The following CSK variants were observed in gnomAD, a reference collection of about 807,000 sequenced individuals.
CSK encodes tyrosine-protein kinase CSK.
Under a neutral mutation model 62.3 loss-of-function variants are expected in CSK, and 7 were observed. The ratio of observed to expected loss-of-function variants is 0.11; its 90% CI spans 0.06 to 0.21. CSK has a LOEUF of 0.21. CSK is among the 10% of genes least tolerant of loss of function. The pLI is 1.00. For missense variants in CSK, 294 were observed against 613.5 expected (o/e 0.48, Z 5.50); for synonymous variants, 237 against 246.0 (o/e 0.96, Z 0.34).
chr15:74,802,422 A>C lies in CSK; in HGVS notation c.1262A>C (p.Asn421Thr). 1 of 1,612,970 alleles carries C rather than the reference A, an allele frequency of 6.2e-7. No homozygotes were observed. The highest frequency in any genetic ancestry group is 2.2e-5 in the East Asian group (1 of 44,864). ...CPPAVYEVMKNCWHLDAAMRP... is the reference protein window; with the variant it reads ...CPPAVYEVMKTCWHLDAAMRP... ...CCCGCAGTCTATGAAGTCATGAAGA[A>C]CTGCTGGCACCTGGACGCCGCCATG... Residue 421 changes from asparagine to threonine, a missense_variant, in exon 13 of 13, where the codon AAC becomes ACC. Asn to Thr is a moderately conservative substitution (Grantham distance 65). Transcript: ENST00000220003.
chr15:74,791,419 T>G (rs1444919300), intron 1 of CSK, among the ~76,000 whole-genome samples: 1 of 152,236 alleles, frequency 6.6e-6, no homozygotes, highest in African/African-American at 2.4e-5. Flanking sequence ...GTGTATGTAT[T>G]TTTTGCTGAT....
chr15:74,790,486 G>A (rs2063602858), intron 1 of CSK, among the ~76,000 whole-genome samples: 1 of 152,210 alleles, frequency 6.6e-6, no homozygotes, highest in South Asian at 2.1e-4. Flanking sequence ...ACTGACCTCA[G>A]CGCTTGGGCA....
chr15:74,800,401 A>G lies in CSK; in HGVS notation c.463-11A>G, dbSNP rs1401255271. 2 of 1,612,846 alleles carry G rather than the reference A, an allele frequency of 1.2e-6. No individual in the cohort carries two copies. The highest frequency in any genetic ancestry group is 1.7e-6 in the Non-Finnish European group (2 of 1,179,388). On this transcript the variant is annotated splice_polypyrimidine_tract_variant and intron_variant, in intron 5 of 12. Coordinates refer to ENST00000220003, the MANE Select transcript of CSK (RefSeq NM_004383.3). Reference sequence around the variant, plus strand: ...GCTGTCTCTGAGCACCCTGCCCCCCACACCCTGCAGCACTACACCTCAGAC... The same window carrying G: ...GCTGTCTCTGAGCACCCTGCCCCCCGCACCCTGCAGCACTACACCTCAGAC...
At chr15:74,801,937 G>A in intron 11 of CSK, 47 bp downstream of exon 11, 4 of 1,610,382 alleles carry the variant, frequency 2.5e-6, no homozygotes, top group East Asian at 2.2e-5. Flanking sequence ...CAGGAGTCCT[G>A]GGTCACTCCC....
intron 1 of CSK, among the ~76,000 whole-genome samples, chr15:74,786,013 T>TTTTTTTTTTTGTGTGTGTGTGTGTGTG: frequency 4.2e-5 from 2 of 47,840 alleles, no homozygotes; most frequent in African/African-American, 1.3e-4. Flanking sequence ...TTTTTTTTTT[T>TTTTTTTTTTTGTGTGTGTGTGTGTGTG]TGTGTGTGTG....
intron 1 of CSK, among the ~76,000 whole-genome samples, chr15:74,789,311 G>A (rs1169897754): frequency 2.6e-5 from 4 of 152,200 alleles, no homozygotes; most frequent in Admixed American, 2.6e-4. Flanking sequence ...AGACCCTGGC[G>A]CCCAATTCTG....
chr15:74,794,634 C>G (rs1024099494), intron 1 of CSK, among the ~76,000 whole-genome samples: 25 of 152,128 alleles, frequency 1.6e-4, no homozygotes, highest in African/African-American at 6.0e-4. Flanking sequence ...GGTTTCATTC[C>G]AGCCCCTCCT....
In CSK at chr15:74,799,182, C is replaced by T. The variant is rs770467000; in HGVS notation, c.243-90C>T. The stretch of plus-strand genomic sequence containing the variant: ...TGCCTGACTGAGCGAGTGCGAGCCA[C>T]GGGTGCCAAGCAGAGGGAACCCCTT... On this transcript the variant is annotated intron_variant, in intron 4 of 12. Coordinates refer to ENST00000220003, the MANE Select transcript of CSK (RefSeq NM_004383.3). 198 of 1,372,970 alleles carry T rather than the reference C, an allele frequency of 1.4e-4. 1 individual carries two copies. The highest frequency in any genetic ancestry group is 1.8e-4 in the Non-Finnish European group (180 of 1,004,946). The allele number at this position is 1,372,970 out of a possible 1,614,324, so 85.0% of individuals were successfully genotyped here. A position where few individuals can be genotyped will look rare whatever the true frequency, so the allele number is the denominator to read the frequency against.
rs778720882 is a variant in CSK, at chr15:74,801,075, C to G, written c.786C>G (p.Leu262=). Residue 262 remains leucine, a synonymous_variant, in exon 9 of 13, where the codon CTC becomes CTG. Transcript: ENST00000220003. ...TGATCGTGGAGGAGAAGGGCGGGCT[C>G]TACATCGTCACTGAGTACATGGCCA... The part of the protein sequence containing the change: ...LGVIVEEKGG[L]YIVTEYMAKG... The G allele has an allele frequency of 3.7e-6, 6 of 1,613,212 alleles. No homozygotes were observed. In the South Asian group the frequency reaches 5.5e-5, roughly 15 times the overall value.
intron 1 of CSK, among the ~76,000 whole-genome samples, chr15:74,787,999 G>A (rs1364064937): frequency 2.6e-5 from 4 of 152,220 alleles, no homozygotes; most frequent in Non-Finnish European, 4.4e-5. Context: ...GAGGCCTGTG[G>A]TTCTCACTTC....
intron 1 of CSK, among the ~76,000 whole-genome samples, chr15:74,792,837 G>A (rs1027756552): frequency 2.0e-5 from 3 of 152,238 alleles, no homozygotes; most frequent in African/African-American, 7.2e-5. Context: ...GCCGGGTTTG[G>A]GGCAGGAAGT....
At chr15:74,795,954 A>G (rs2063698505) in intron 1 of CSK, among the ~76,000 whole-genome samples, 1 of 152,240 alleles carries the variant, frequency 6.6e-6, no homozygotes, top group Non-Finnish European at 1.5e-5. Context: ...GCAGTGGCTC[A>G]CACCTGTAAT....
intron 1 of CSK, among the ~76,000 whole-genome samples, chr15:74,794,918 G>A (rs1216767768): frequency 6.6e-6 from 1 of 152,152 alleles, no homozygotes; most frequent in Non-Finnish European, 1.5e-5. Context: ...AAGTCCCCCT[G>A]CTGCCTGGCA....
intron 1 of CSK, among the ~76,000 whole-genome samples, chr15:74,786,088 C>G (rs997678247): frequency 6.9e-6 from 1 of 145,716 alleles, no homozygotes; most frequent in South Asian, 2.2e-4. Flanking sequence ...TGCAATGGCG[C>G]GATCTTGGCT....
chr15:74,798,822 C>T lies in CSK; in HGVS notation c.130-4C>T, dbSNP rs2063745913. The T allele has an allele frequency of 6.2e-7, 1 of 1,601,664 alleles. No individual in the cohort carries two copies. Among genetic ancestry groups the T allele is most frequent in the Non-Finnish European group, 8.5e-7 (1 of 1,172,794 alleles). On this transcript the variant is annotated splice_polypyrimidine_tract_variant and splice_region_variant and intron_variant, in intron 3 of 12. Transcript: ENST00000220003. The surrounding 1 kb of genome is among the most constrained non-coding windows in gnomAD (Gnocchi z 6.6). Reference sequence around the variant, plus strand: ...AGAGCATGTCTGGGCTGCCCTCTCCCCAGGACCCCAACTGGTACAAAGCCA... The same window carrying T: ...AGAGCATGTCTGGGCTGCCCTCTCCTCAGGACCCCAACTGGTACAAAGCCA...
intron 9 of CSK, 94 bp downstream of exon 9, chr15:74,801,196 C>T: frequency 7.1e-7 from 1 of 1,411,864 alleles, no homozygotes; most frequent in Non-Finnish European, 9.9e-7. Context: ...TCCCCCGACC[C>T]CAAGTGAGCT....
chr15:74,799,338 G>A lies in CSK; in HGVS notation c.309G>A (p.Leu103=). ...TTCTGTACCCGCCGGAGACAGGCCT[G>A]TTCCTGGTGCGGGAGAGCACCAACT... ...ERLLYPPETG[L]FLVRESTNYP... is the part of the protein sequence containing the mutation. Residue 103 remains leucine (L), a synonymous_variant, in exon 5 of 13, where the codon CTG becomes CTA. Coordinates refer to ENST00000220003, the MANE Select transcript of CSK (RefSeq NM_004383.3). 1 of 1,612,920 alleles carries A rather than the reference G, an allele frequency of 6.2e-7. No individual in the cohort carries two copies. Among genetic ancestry groups the A allele is most frequent in the Non-Finnish European group, 8.5e-7 (1 of 1,180,000 alleles).
intron 1 of CSK, among the ~76,000 whole-genome samples, chr15:74,791,570 C>T (rs2063620673): frequency 6.6e-6 from 1 of 152,160 alleles, no homozygotes; most frequent in South Asian, 2.1e-4. Context: ...CCCCTCTCCC[C>T]AAGTGATTTT....
chr15:74,796,282 G>T (rs528111997), intron 1 of CSK, among the ~76,000 whole-genome samples: 1 of 152,108 alleles, frequency 6.6e-6, no homozygotes, highest in South Asian at 2.1e-4. Context: ...TCTTTAAGTC[G>T]AAGGGGATCA....
Sources: gnomAD v4.1 joint callset for allele counts (sites outside exome capture counted in the v4.1 genomes callset) on GRCh38, gnomAD v4.1.1 for gene constraint, Gnocchi (gnomAD v3.1) non-coding constraint, MANE v1.5 for transcripts, NCBI Gene and HGNC (gene_info 2026-07-23, HGNC 2026-07-21) for gene names.